CTNNA3: variants seen among roughly 807,000 people sequenced by gnomAD.
The protein encoded by CTNNA3 is catenin alpha-3.
CTNNA3 carries 76 observed loss-of-function variants against 95.7 expected under a neutral mutation model. The ratio of observed to expected loss-of-function variants is 0.79; its 90% CI spans 0.66 to 0.96. The LOEUF (loss-of-function observed/expected upper bound fraction) is 0.96. Among genes scored for constraint, CTNNA3 ranks in the 40% least tolerant of loss-of-function variants. The pLI is 0.00. For missense variants in CTNNA3, 1,191 were observed against 1,089.8 expected, an observed-to-expected ratio of 1.09 and a Z score of -1.31; for synonymous variants, 431 against 374.4, an observed-to-expected ratio of 1.15 and a Z score of -1.74.
intron 7 of CTNNA3, among the ~76,000 whole-genome samples, chr10:67,028,088 T>C (rs1853500416): frequency 6.6e-6 from 1 of 152,186 alleles, no homozygotes; most frequent in South Asian, 2.1e-4. Flanking sequence ...TATATTCGTT[T>C]ATTCTTCTGA....
At chr10:66,292,233 C>A (rs922511950) in intron 12 of CTNNA3, among the ~76,000 whole-genome samples, 1 of 152,040 alleles carries the variant, frequency 6.6e-6, no homozygotes, top group Middle Eastern at 3.2e-3. Flanking sequence ...ATCACTATGT[C>A]CTGCTGATTC....
chr10:66,241,790 T>C (rs1389204264), intron 13 of CTNNA3, among the ~76,000 whole-genome samples: 1 of 152,026 alleles, frequency 6.6e-6, no homozygotes, highest in African/African-American at 2.4e-5. Context: ...GCAAAAAACC[T>C]ATGTAAAATC....
chr10:67,188,906 C>T (rs1468854552), intron 6 of CTNNA3, among the ~76,000 whole-genome samples: 1 of 151,952 alleles, frequency 6.6e-6, no homozygotes, highest in African/African-American at 2.4e-5. Flanking sequence ...GGTTTGAGTC[C>T]AGGAGTTCAA....
intron 10 of CTNNA3, among the ~76,000 whole-genome samples, chr10:66,571,188 T>G (rs1842857142): frequency 6.6e-6 from 1 of 152,212 alleles, no homozygotes; most frequent in African/African-American, 2.4e-5. Context: ...TTAAGTTGTA[T>G]CGAAGCATTT....
At chr10:66,506,832 GA>G (rs1206605390) in intron 11 of CTNNA3, among the ~76,000 whole-genome samples, 3 of 152,168 alleles carry the variant, frequency 2.0e-5, no homozygotes, top group African/African-American at 7.2e-5. Flanking sequence ...ACTAAATTTT[GA>G]CTAGGTATAG....
Position 66,213,998 on chromosome 10 carries a change from T to C in CTNNA3, c.1884+66472A>G, listed in dbSNP as rs144812299. On this transcript the variant is annotated intron_variant, in intron 13 of 17. Coordinates refer to ENST00000433211, the MANE Select transcript of CTNNA3 (RefSeq NM_013266.4). Reference sequence around the variant, plus strand: ...ATTTAGTTGATAGTAGCCAAAAACATTGTAAAGAGCACTGGAGGCTGTGTA... The same window carrying C: ...ATTTAGTTGATAGTAGCCAAAAACACTGTAAAGAGCACTGGAGGCTGTGTA... Among the ~76,000 whole-genome samples the C allele has an allele frequency of 6.3e-3, 963 of 152,266 alleles. 10 individuals are homozygous for C. The highest frequency in any genetic ancestry group is 0.022 in the African/African-American group (898 of 41,560).
At chr10:67,452,132 T>C (rs1228172168) in intron 5 of CTNNA3, among the ~76,000 whole-genome samples, 1 of 151,554 alleles carries the variant, frequency 6.6e-6, no homozygotes. Flanking sequence ...GAAGATCATA[T>C]AAGCAACACT....
chr10:67,137,524 A>G (rs905574104), intron 7 of CTNNA3, among the ~76,000 whole-genome samples: 1 of 152,192 alleles, frequency 6.6e-6, no homozygotes, highest in Non-Finnish European at 1.5e-5. Context: ...CTATATATGC[A>G]AGTCAGAAAA....
intron 12 of CTNNA3, among the ~76,000 whole-genome samples, chr10:66,346,238 TATATATATAGAGAGAGAGAGAGAG>T (rs1374355947): frequency 6.4e-3 from 103 of 16,154 alleles, no homozygotes; most frequent in African/African-American, 0.025. Context: ...TATATATATA[TATATATATAGAGAGAGAGAGAGAG>T]AGAGAGAGAG....
rs57646841 is a variant in CTNNA3, at chr10:66,688,022, G to A, written c.1282-66238C>T. On this transcript the variant is annotated intron_variant, in intron 9 of 17. Coordinates refer to ENST00000433211, the MANE Select transcript of CTNNA3 (RefSeq NM_013266.4). Reference sequence around the variant, plus strand: ...AACACCAAATGAGAAGCTGTTTTGAGGGTAAAAGATCCTAGAAATAAAAAA... The same window carrying A: ...AACACCAAATGAGAAGCTGTTTTGAAGGTAAAAGATCCTAGAAATAAAAAA... 9.1e-3 allele frequency among the ~76,000 whole-genome samples: 1,387 copies of A among 152,010 alleles called. 23 individuals carry two copies. The highest frequency in any genetic ancestry group is 0.031 in the African/African-American group (1,277 of 41,446).
At chr10:67,127,710 C>A (rs1859784678) in intron 7 of CTNNA3, among the ~76,000 whole-genome samples, 1 of 152,130 alleles carries the variant, frequency 6.6e-6, no homozygotes, top group African/African-American at 2.4e-5. Context: ...AGTCAAGCTC[C>A]TTTTCAGTCT....
intron 17 of CTNNA3, among the ~76,000 whole-genome samples, chr10:65,948,176 G>A (rs1347733087): frequency 1.3e-5 from 2 of 151,352 alleles, no homozygotes; most frequent in East Asian, 2.0e-4. Flanking sequence ...AGCTACTCGG[G>A]AGACTGAGGC....
intron 12 of CTNNA3, among the ~76,000 whole-genome samples, chr10:66,312,296 A>G (rs2092031772): frequency 6.6e-6 from 1 of 151,952 alleles, no homozygotes; most frequent in Admixed American, 6.6e-5. Flanking sequence ...TCTACATCTC[A>G]CTATGTAGTT....
In CTNNA3 at chr10:66,187,333, A is replaced by G. The variant is rs2086398498; in HGVS notation, c.1885-84084T>C. On this transcript the variant is annotated intron_variant, in intron 13 of 17. Transcript: ENST00000433211. ...GCAGTTAGGAAAAAACAACAAGGCA[A>G]CCACAAAAAAGGAAAAGCTAGGAAT... 3.3e-5 allele frequency among the ~76,000 whole-genome samples: 5 copies of G among 151,402 alleles called. No homozygotes were observed. In the South Asian group the frequency reaches 1.0e-3, roughly 32 times the overall value.
At chr10:65,989,386 T>C (rs1268347014) in intron 15 of CTNNA3, among the ~76,000 whole-genome samples, 1 of 152,114 alleles carries the variant, frequency 6.6e-6, no homozygotes, top group Non-Finnish European at 1.5e-5. Flanking sequence ...TCCCAGGTGT[T>C]TATTATAGTA....
intron 4 of CTNNA3, among the ~76,000 whole-genome samples, chr10:67,525,312 T>A (rs373387582): frequency 1.3e-5 from 2 of 152,090 alleles, no homozygotes; most frequent in African/African-American, 4.8e-5. Context: ...GTAAGCACTG[T>A]CAACACTCCC....
intron 11 of CTNNA3, among the ~76,000 whole-genome samples, chr10:66,500,791 C>T (rs904453072): frequency 6.6e-6 from 1 of 152,088 alleles, no homozygotes; most frequent in African/African-American, 2.4e-5. Context: ...CTATGTTTCA[C>T]CTACAACTGA....
intron 9 of CTNNA3, among the ~76,000 whole-genome samples, chr10:66,750,924 T>G (rs1839107206): frequency 6.6e-6 from 1 of 152,188 alleles, no homozygotes; most frequent in African/African-American, 2.4e-5. Flanking sequence ...AATTTATACC[T>G]AAGTATTTCA....
chr10:65,930,620 A>T (rs1480521950), intron 17 of CTNNA3, among the ~76,000 whole-genome samples: 1 of 152,106 alleles, frequency 6.6e-6, no homozygotes, highest in Non-Finnish European at 1.5e-5. Context: ...ATAGTAGTTA[A>T]TTTTTTTATT....
Sources: gnomAD v4.1 joint callset for allele counts (sites outside exome capture counted in the v4.1 genomes callset) on GRCh38, gnomAD v4.1.1 for gene constraint, MANE v1.5 for transcripts, NCBI Gene and HGNC (gene_info 2026-07-23, HGNC 2026-07-21) for gene names.